The following LARGE1 variants were observed in gnomAD, a reference collection of about 807,000 sequenced individuals.
The protein encoded by LARGE1 is xylosyl- and glucuronyltransferase LARGE1.
Under a neutral mutation model 87.6 loss-of-function variants are expected in LARGE1, and 43 were observed. The observed-to-expected ratio is 0.49, with a 90% CI of 0.38 to 0.63. The LOEUF (loss-of-function observed/expected upper bound fraction) is 0.63, where lower values mean the gene tolerates loss of function less well. Ranked by LOEUF, LARGE1 falls within the 30% of genes least tolerant of loss-of-function variation. LARGE1 has a pLI of 0.00. For missense variants in LARGE1, 802 were observed against 1,000.2 expected (o/e 0.80, Z 2.67); for synonymous variants, 434 against 394.6 (o/e 1.10, Z -1.18).
chr22:33,343,088 C>T (rs1025700477), intron 9 of LARGE1, among the ~76,000 whole-genome samples: 1 of 152,140 alleles, frequency 6.6e-6, no homozygotes, highest in Non-Finnish European at 1.5e-5. Flanking sequence ...ATTCAATACC[C>T]ATTATATGCT....
At chr22:33,501,421 C>T (rs1310135841) in intron 6 of LARGE1, among the ~76,000 whole-genome samples, 1 of 152,098 alleles carries the variant, frequency 6.6e-6, no homozygotes, top group Non-Finnish European at 1.5e-5. Flanking sequence ...GACACTTACA[C>T]CTGCGATGAT....
At chr22:33,528,889 TTGAG>T (rs1490393352) in intron 6 of LARGE1, among the ~76,000 whole-genome samples, 1 of 152,202 alleles carries the variant, frequency 6.6e-6, no homozygotes, top group East Asian at 1.9e-4. Flanking sequence ...TTAACATTTA[TTGAG>T]TGTCTACTAT....
At chr22:33,830,131 T>G (rs2062923254) in intron 1 of LARGE1, among the ~76,000 whole-genome samples, 1 of 152,088 alleles carries the variant, frequency 6.6e-6, no homozygotes, top group Non-Finnish European at 1.5e-5. Flanking sequence ...GCTCATTTAT[T>G]AAAGCAACCG....
Position 33,381,548 on chromosome 22 carries a change from A to C in LARGE1, c.1131+371T>G, listed in dbSNP as rs543797918. Reference sequence around the variant, plus strand: ...TCCTCCAAGTCATACATGACTTGGAAGCAGGTTAATTATTCACATCCACAT... The same window carrying C: ...TCCTCCAAGTCATACATGACTTGGACGCAGGTTAATTATTCACATCCACAT... On this transcript the variant is annotated intron_variant, in intron 9 of 14. Transcript: ENST00000397394. Among the ~76,000 whole-genome samples, 3 of 152,302 alleles carry C rather than the reference A, an allele frequency of 2.0e-5. No individual in the cohort carries two copies. In the East Asian group the frequency reaches 5.8e-4, roughly 29 times the overall value.
intron 6 of LARGE1, among the ~76,000 whole-genome samples, chr22:33,486,377 ACAG>A (rs1569205629): frequency 6.6e-6 from 1 of 152,216 alleles, no homozygotes; most frequent in Non-Finnish European, 1.5e-5. Context: ...GCAGGACTTG[ACAG>A]TTTACAAAGT....
intron 6 of LARGE1, among the ~76,000 whole-genome samples, chr22:33,535,124 T>G (rs79779288): frequency 0.044 from 6,626 of 152,236 alleles, 200 homozygotes; most frequent in Non-Finnish European, 0.065. Context: ...CTGAGGGGCC[T>G]CCCCCGTCAG....
At chr22:33,716,694 C>G (rs1296101276) in intron 2 of LARGE1, among the ~76,000 whole-genome samples, 1 of 152,216 alleles carries the variant, frequency 6.6e-6, no homozygotes, top group Non-Finnish European at 1.5e-5. Context: ...GCCACCACAC[C>G]TGGCCACCCC....
rs368544221 is a variant in LARGE1 at position 33,780,408 on chromosome 22, C to G, written c.-82-18850G>C. 5.2e-4 allele frequency among the ~76,000 whole-genome samples: 78 copies of G among 151,140 alleles called. 1 individual carries two copies. Among genetic ancestry groups the G allele is most frequent in the African/African-American group, 1.8e-3 (73 of 41,204 alleles). ...AAGAGGCATTTCAGTTCCACGGGGT[C>G]AGTGATACCCAGTCCCCAGCAGCCC... On this transcript the variant is annotated intron_variant, in intron 1 of 14. Coordinates refer to ENST00000397394, the MANE Select transcript of LARGE1 (RefSeq NM_133642.5).
intron 1 of LARGE1, among the ~76,000 whole-genome samples, chr22:33,765,280 G>T (rs2084865302): frequency 6.6e-6 from 1 of 151,800 alleles, no homozygotes; most frequent in South Asian, 2.1e-4. Context: ...CTTGCCAGAG[G>T]GTGTTTTTCC....
At chr22:33,631,214 C>A (rs1477123100) in intron 3 of LARGE1, among the ~76,000 whole-genome samples, 1 of 151,832 alleles carries the variant, frequency 6.6e-6, no homozygotes, top group South Asian at 2.1e-4. Flanking sequence ...TAGAGTACAG[C>A]GGTTATTCAC....
chr22:33,771,864 C>CA (rs1254834498), intron 1 of LARGE1, among the ~76,000 whole-genome samples: 8 of 152,236 alleles, frequency 5.3e-5, no homozygotes, highest in African/African-American at 1.4e-4. Context: ...GTTCCTCACT[C>CA]AAACAGCTCA....
intron 11 of LARGE1, among the ~76,000 whole-genome samples, chr22:33,214,253 G>A (rs1307899437): frequency 6.6e-6 from 1 of 152,072 alleles, no homozygotes; most frequent in Non-Finnish European, 1.5e-5. Context: ...CTTGTAGATG[G>A]CCATCTTCTC....
At chr22:33,190,545 G>A (rs1428960152) in intron 11 of LARGE1, among the ~76,000 whole-genome samples, 1 of 152,034 alleles carries the variant, frequency 6.6e-6, no homozygotes, top group Non-Finnish European at 1.5e-5. Flanking sequence ...AAACCAAAGT[G>A]GTACACACTA....
intron 5 of LARGE1, among the ~76,000 whole-genome samples, chr22:33,570,646 CAAAAAAAAAAAAAA>C (rs10590542): frequency 1.2e-5 from 1 of 80,898 alleles, no homozygotes; most frequent in African/African-American, 5.1e-5. Context: ...GACTCCATTT[CAAAAAAAAAAAAAA>C]AAAAAAAAAA....
chr22:33,823,632 C>A (rs535978689), intron 1 of LARGE1, among the ~76,000 whole-genome samples: 2 of 152,296 alleles, frequency 1.3e-5, no homozygotes, highest in African/African-American at 4.8e-5. Context: ...GAGGACACAG[C>A]AATGACTCAT....
chr22:33,313,398 A>C (rs531891534), intron 11 of LARGE1, among the ~76,000 whole-genome samples: 53 of 152,256 alleles, frequency 3.5e-4, no homozygotes, highest in African/African-American at 1.3e-3. Flanking sequence ...CACGACACTC[A>C]GAACTAAACA....
At chr22:33,186,495 C>T (rs1185549271) in intron 11 of LARGE1, among the ~76,000 whole-genome samples, 1 of 152,046 alleles carries the variant, frequency 6.6e-6, no homozygotes, top group Non-Finnish European at 1.5e-5. Context: ...GCTTCCACTA[C>T]AATCTGAAAA....
rs1927254626 is a variant in LARGE1, at chr22:33,256,194, A to T, written c.1730+48035T>A. ...ATGTATAGCTCTTTCAATCTTTCCA[A>T]TGTGGTTTTGCACATCTGGAGGACG... is the stretch of plus-strand genomic sequence containing the variant. On this transcript the variant is annotated intron_variant, in intron 11 of 11. Coordinates refer to the LARGE1 transcript ENST00000608642. 2.0e-5 allele frequency among the ~76,000 whole-genome samples: 3 copies of T among 152,284 alleles called. No individual in the cohort carries two copies. The South Asian group carries it at 6.2e-4, about 32-fold the overall frequency.
At chr22:33,821,943 CTTTTTTAGGTTTTTTTTTTTTTTTT>C in intron 1 of LARGE1, among the ~76,000 whole-genome samples, 1 of 130,130 alleles carries the variant, frequency 7.7e-6, no homozygotes, top group East Asian at 2.3e-4. Context: ...GTTTAAGTGA[CTTTTTTAGGTTTTTTTTTTTTTTTT>C]TTAAAGAGCT....
Sources: allele counts gnomAD v4.1 joint callset (sites outside exome capture counted in the v4.1 genomes callset), GRCh38; gene constraint gnomAD v4.1.1; transcripts MANE v1.5; gene names NCBI Gene and HGNC (gene_info 2026-07-23, HGNC 2026-07-21).